Variants in DPP10 observed in about 807,000 individuals in gnomAD.
The protein encoded by DPP10 is inactive dipeptidyl peptidase 10.
Under a neutral mutation model 120.9 loss-of-function variants are expected in DPP10, and 33 were observed. The observed-to-expected ratio is 0.27, with a 90% confidence interval of 0.21 to 0.37. The LOEUF (loss-of-function observed/expected upper bound fraction) is 0.37, where lower values mean the gene tolerates loss of function less well. Ranked by LOEUF, DPP10 falls within the 10% of genes least tolerant of loss-of-function variation. The pLI is 1.00. For missense variants in DPP10, 816 were observed against 942.8 expected (o/e 0.87, Z 1.76); for synonymous variants, 337 against 326.1 (o/e 1.03, Z -0.36).
chr2:115,673,552 G>T (rs1038725249), intron 5 of DPP10, among the ~76,000 whole-genome samples: 1 of 152,104 alleles, frequency 6.6e-6, no homozygotes, highest in African/African-American at 2.4e-5. Context: ...TGAAAGAATC[G>T]TATTTCTTCT....
intron 3 of DPP10, among the ~76,000 whole-genome samples, chr2:115,399,269 A>T (rs1415429190): frequency 1.3e-5 from 2 of 152,206 alleles, no homozygotes; most frequent in African/African-American, 4.8e-5. Context: ...CACACACAAA[A>T]GAGAAGTATT....
chr2:115,622,718 T>G (rs1055575902), intron 5 of DPP10, among the ~76,000 whole-genome samples: 1 of 152,006 alleles, frequency 6.6e-6, no homozygotes, highest in South Asian at 2.1e-4. Context: ...CTAATACTTC[T>G]ACATCTTTTT....
intron 1 of DPP10, among the ~76,000 whole-genome samples, chr2:114,495,181 T>C (rs1397855069): frequency 6.6e-6 from 1 of 152,148 alleles, no homozygotes; most frequent in Non-Finnish European, 1.5e-5. Context: ...TTATAAAATT[T>C]TATTGCTTAA....
At chr2:115,718,196 A>C (rs1289401600) in intron 7 of DPP10, among the ~76,000 whole-genome samples, 5 of 152,208 alleles carry the variant, frequency 3.3e-5, no homozygotes, top group Non-Finnish European at 4.4e-5. Flanking sequence ...TTAAAAAAAA[A>C]AAAATCAAAC....
chr2:114,577,943 T>C (rs149391928), intron 1 of DPP10, among the ~76,000 whole-genome samples: 159 of 152,348 alleles, frequency 1.0e-3, no homozygotes, highest in Admixed American at 3.0e-3. Flanking sequence ...AATGACCTCA[T>C]TTTAACTAAT....
intron 1 of DPP10, among the ~76,000 whole-genome samples, chr2:115,040,430 G>A (rs1423505805): frequency 6.6e-6 from 1 of 151,950 alleles, no homozygotes; most frequent in African/African-American, 2.4e-5. Flanking sequence ...CTAAATTATA[G>A]TTGACTAATT....
At chr2:115,245,346 TAAAC>T (rs1465962445) in intron 1 of DPP10, among the ~76,000 whole-genome samples, 5 of 151,708 alleles carry the variant, frequency 3.3e-5, no homozygotes, top group South Asian at 4.1e-4. Flanking sequence ...CAAAAGAAGA[TAAAC>T]AAATGGCCAA....
chr2:115,514,918 A>G (rs919022117), intron 4 of DPP10, among the ~76,000 whole-genome samples: 8 of 151,848 alleles, frequency 5.3e-5, no homozygotes, highest in Non-Finnish European at 4.4e-5. Flanking sequence ...ATCTTCATGG[A>G]TCTATACATA....
intron 1 of DPP10, among the ~76,000 whole-genome samples, chr2:115,094,424 C>T (rs1709546580): frequency 6.6e-6 from 1 of 152,146 alleles, no homozygotes. Flanking sequence ...GGCAAACTTT[C>T]TCATTGATCA....
chr2:115,193,370 A>C (rs1244172584), intron 1 of DPP10, among the ~76,000 whole-genome samples: 1 of 152,262 alleles, frequency 6.6e-6, no homozygotes, highest in East Asian at 1.9e-4. Flanking sequence ...ATGTCTGTGG[A>C]CTAGACTGCC....
At chr2:115,191,980 A>G (rs1355436690) in intron 1 of DPP10, among the ~76,000 whole-genome samples, 1 of 152,226 alleles carries the variant, frequency 6.6e-6, no homozygotes, top group African/African-American at 2.4e-5. Context: ...ATCTCATAAT[A>G]GGATAGGCCT....
At chr2:115,479,724 T>C (rs950255266) in intron 3 of DPP10, among the ~76,000 whole-genome samples, 2 of 152,140 alleles carry the variant, frequency 1.3e-5, no homozygotes, top group Non-Finnish European at 2.9e-5. Flanking sequence ...TTGCTCCAGC[T>C]TTATGACCTT....
At chr2:115,465,282 C>T (rs915450286) in intron 3 of DPP10, among the ~76,000 whole-genome samples, 4 of 151,872 alleles carry the variant, frequency 2.6e-5, no homozygotes, top group South Asian at 2.1e-4. Context: ...TATCCTATTA[C>T]GCATGTGAAG....
chr2:115,584,412 G>A (rs2082170459), intron 5 of DPP10, among the ~76,000 whole-genome samples: 1 of 152,100 alleles, frequency 6.6e-6, no homozygotes, highest in Admixed American at 6.6e-5. Context: ...ACAAGAAGGA[G>A]AGAAACACAG....
intron 1 of DPP10, among the ~76,000 whole-genome samples, chr2:114,534,140 T>C (rs1573588825): frequency 6.6e-6 from 1 of 152,342 alleles, no homozygotes; most frequent in South Asian, 2.1e-4. Flanking sequence ...TAAGAACTCA[T>C]TCAAAATGAT....
At chr2:115,215,686 T>A (rs2105377332) in intron 1 of DPP10, among the ~76,000 whole-genome samples, 1 of 152,258 alleles carries the variant, frequency 6.6e-6, no homozygotes, top group South Asian at 2.1e-4. Context: ...CAACCCCTAT[T>A]GAAAACAGTA....
At chr2:115,755,925 T>G (rs1011574583) in intron 11 of DPP10, among the ~76,000 whole-genome samples, 11 of 114,574 alleles carry the variant, frequency 9.6e-5, no homozygotes, top group Non-Finnish European at 1.7e-4. Flanking sequence ...GTATGCTTTT[T>G]TAAAAAGTGT....
intron 1 of DPP10, among the ~76,000 whole-genome samples, chr2:114,675,710 TGAAA>T (rs1698627080): frequency 6.6e-6 from 1 of 152,152 alleles, no homozygotes; most frequent in African/African-American, 2.4e-5. Flanking sequence ...TCAGAACTTC[TGAAA>T]GAGAGTCCCA....
At chr2:114,536,714 C>G (rs1686532889) in intron 1 of DPP10, among the ~76,000 whole-genome samples, 1 of 152,054 alleles carries the variant, frequency 6.6e-6, no homozygotes, top group Admixed American at 6.6e-5. Flanking sequence ...CAACTTTGGT[C>G]TGTTCTTCAT....
Sources: gnomAD v4.1 joint callset for allele counts (sites outside exome capture counted in the v4.1 genomes callset) on GRCh38, gnomAD v4.1.1 for gene constraint, MANE v1.5 for transcripts, NCBI Gene and HGNC (gene_info 2026-07-23, HGNC 2026-07-21) for gene names.